Variants in MUC5B observed in about 807,000 individuals in gnomAD.
MUC5B encodes the protein mucin-5B.
MUC5B carries 116 observed loss-of-function variants against 376.9 expected under a neutral mutation model. That is an observed-to-expected ratio of 0.31 (90% confidence interval 0.26 to 0.36). The LOEUF is 0.36. Ranked by LOEUF, MUC5B falls within the 10% of genes least tolerant of loss-of-function variation. The pLI is 1.00. For missense variants in MUC5B, 7,165 were observed against 7,769.9 expected, an observed-to-expected ratio of 0.92 and a Z score of 2.93; for synonymous variants, 3,517 against 3,390.9, an observed-to-expected ratio of 1.04 and a Z score of -1.29.
intron 25 of MUC5B, among the ~76,000 whole-genome samples, chr11:1,238,488 A>C (rs1476120190): frequency 6.6e-6 from 1 of 152,150 alleles, no homozygotes; most frequent in African/African-American, 2.4e-5. Context: ...GAGGGTAAGC[A>C]GGGGTGCTAT....
intron 35 of MUC5B, 25 bp downstream of exon 35, chr11:1,254,905 C>T (rs55990509): frequency 3.3e-5 from 53 of 1,599,750 alleles, no homozygotes; most frequent in Non-Finnish European, 4.2e-5. Flanking sequence ...GGTCCTGCCC[C>T]GGCCAGGGCT....
rs1409114163 is a variant in MUC5B at position 1,247,326 on chromosome 11, C to T, written c.10446C>T (p.Thr3482=). 3.7e-6 allele frequency: 6 copies of T among 1,611,364 alleles called. No individual in the cohort carries two copies. Among genetic ancestry groups the T allele is most frequent in the South Asian group, 1.1e-5 (1 of 90,956 alleles). Residue 3482 remains threonine (T), a synonymous_variant, in exon 31 of 49, where the codon ACC becomes ACT. Coordinates refer to ENST00000529681, the MANE Select transcript of MUC5B (RefSeq NM_002458.3). ...TSATSGILGT[T]HITEPSTVTS... ...CCACCTCGGGCATCTTGGGCACCAC[C>T]CACATCACAGAGCCTTCCACGGTGA...
intron 7 of MUC5B, among the ~76,000 whole-genome samples, chr11:1,228,046 G>A (rs973499832): frequency 2.0e-5 from 3 of 152,196 alleles, no homozygotes; most frequent in South Asian, 2.1e-4. Context: ...GTGGGCACTC[G>A]GGAAGCCCGG....
rs1418720763 is a variant in MUC5B at position 1,257,386 on chromosome 11, C to T, written c.16269+115C>T. 45 of 986,294 alleles carry T rather than the reference C, an allele frequency of 4.6e-5. No individual in the cohort carries two copies. Among genetic ancestry groups the T allele is most frequent in the South Asian group, 2.7e-4 (20 of 75,016 alleles). 61.1% of individuals were successfully genotyped at this position (986,294 alleles called of 1,614,324 possible). ...GTGGGGCGCCCGAGTGTGACGTGGACGTGCCAGTGGCTGGTGTGCGCTTCC... is the reference window on the plus strand; with the variant it reads ...GTGGGGCGCCCGAGTGTGACGTGGATGTGCCAGTGGCTGGTGTGCGCTTCC... On this transcript the variant is annotated intron_variant, in intron 40 of 48. Coordinates refer to ENST00000529681, the MANE Select transcript of MUC5B (RefSeq NM_002458.3). This position sits in a 1 kb window ranked among gnomAD's most constrained non-coding sequence, Gnocchi z 8.9.
In MUC5B at chr11:1,253,097, G is replaced by A; in HGVS notation, c.15217+117G>A. ...ACAGTGGGGTGCAGTGGGGAATGGT[G>A]GGGCATGGTGGGGCATGGTGGGGTG... On this transcript the variant is annotated intron_variant, in intron 33 of 48. Coordinates refer to ENST00000529681, the MANE Select transcript of MUC5B (RefSeq NM_002458.3). The surrounding 1 kb of genome is among the most constrained non-coding windows in gnomAD (Gnocchi z 4.3). 1.0e-6 allele frequency: 1 copy of A among 987,536 alleles called. No individual in the cohort carries two copies. The highest frequency in any genetic ancestry group is 1.5e-6 in the Non-Finnish European group (1 of 675,900). 61.2% of individuals were successfully genotyped at this position (987,536 alleles called of 1,614,324 possible).
rs557174215 is a variant in MUC5B at position 1,251,392 on chromosome 11, C to G, written c.14512C>G (p.Leu4838Val). The G allele has an allele frequency of 1.0e-5, 16 of 1,589,948 alleles. No individual in the cohort carries two copies. Among genetic ancestry groups the G allele is most frequent in the Non-Finnish European group, 1.4e-5 (16 of 1,161,966 alleles). The change falls in exon 31 of 49, where the codon CTG (leucine) becomes GTG (valine). Residue 4838 changes from leucine (L) to valine (V), a missense_variant. Leu to Val is a conservative substitution (Grantham distance 32). Coordinates refer to ENST00000529681, the MANE Select transcript of MUC5B (RefSeq NM_002458.3). The part of the protein sequence containing the change: ...TTAATGSTAT[L>V]SSTPGTTWIL... Reference sequence around the variant, plus strand: ...TGCAGCCACTGGATCCACGGCCACCCTGTCCTCCACCCCAGGGACCACCTG... The same window carrying G: ...TGCAGCCACTGGATCCACGGCCACCGTGTCCTCCACCCCAGGGACCACCTG...
At position 1,250,133 on chromosome 11, in the gene MUC5B, C is replaced by T. The variant is rs199894226; in HGVS notation, c.13253C>T (p.Thr4418Ile). 297 of 1,610,664 alleles carry T rather than the reference C, an allele frequency of 1.8e-4. No homozygotes were observed. The highest frequency in any genetic ancestry group is 2.4e-4 in the Non-Finnish European group (278 of 1,178,168). ...ACCCCGTCCTCCACCCCAGGGACCA[C>T]CTGGATCCTCACAGAGCTGACCACA... ...TATPSSTPGT[T>I]WILTELTTTA... The change falls in exon 31 of 49, where the codon ACC (threonine) becomes ATC (isoleucine). Residue 4418 changes from threonine (T) to isoleucine (I), a missense_variant. Thr to Ile is a moderately conservative substitution (Grantham distance 89, BLOSUM62 -1). Coordinates refer to ENST00000529681, the MANE Select transcript of MUC5B (RefSeq NM_002458.3).
chr11:1,233,729 G>C (rs1862088686), intron 18 of MUC5B, 64 bp from the exon 19 acceptor site: 11 of 1,519,784 alleles, frequency 7.2e-6, no homozygotes, highest in Non-Finnish European at 8.9e-6. Flanking sequence ...GGGCTCGGAA[G>C]CCCGGGGGTG....
intron 35 of MUC5B, 23 bp downstream of exon 35, chr11:1,254,903 C>T: frequency 3.7e-6 from 6 of 1,604,906 alleles, no homozygotes; most frequent in Non-Finnish European, 5.1e-6. Context: ...CGGGTCCTGC[C>T]CCGGCCAGGG....
chr11:1,227,614 G>C, intron 6 of MUC5B, 61 bp from the exon 7 acceptor site: 2 of 698,520 alleles, frequency 2.9e-6, no homozygotes, highest in Non-Finnish European at 5.4e-6. Context: ...GGAAGTGGGA[G>C]CCCATATCTT....
chr11:1,238,823 C>T (rs556852598), intron 25 of MUC5B, 48 bp from the exon 26 acceptor site: 41 of 1,530,530 alleles, frequency 2.7e-5, no homozygotes, highest in South Asian at 2.4e-4. Context: ...ACCCCCTGGC[C>T]GGGGGGGCCA....
At position 1,249,342 on chromosome 11, in the gene MUC5B, C is replaced by T. The variant is rs779469762; in HGVS notation, c.12462C>T (p.Thr4154=). 6.2e-6 allele frequency: 10 copies of T among 1,610,642 alleles called. No homozygotes were observed. The highest frequency in any genetic ancestry group is 5.3e-5 in the African/African-American group (4 of 74,806). The change falls in exon 31 of 49, where the codon ACC becomes ACT. Residue 4154 remains threonine (T), a synonymous_variant. Transcript: ENST00000529681. ...MPGPSGGDFD[T]YSNIRAAGGA... is the part of the protein sequence containing the mutation. ...GGCCCTCTGGCGGGGACTTTGACACCTACTCCAACATCCGTGCGGCCGGAG... is the reference window on the plus strand; with the variant it reads ...GGCCCTCTGGCGGGGACTTTGACACTTACTCCAACATCCGTGCGGCCGGAG...
chr11:1,227,264 G>T, intron 5 of MUC5B, 44 bp from the exon 6 acceptor site: 2 of 1,573,540 alleles, frequency 1.3e-6, no homozygotes, highest in Non-Finnish European at 1.7e-6. Context: ...GCCAGTGTGG[G>T]GATCAGAGGT....
At chr11:1,233,910 C>T in intron 19 of MUC5B, 62 bp downstream of exon 19, 2 of 1,478,278 alleles carry the variant, frequency 1.4e-6, no homozygotes, top group Non-Finnish European at 9.2e-7. Context: ...CCTGGCCTGG[C>T]CCCAACACGC....
intron 23 of MUC5B, 92 bp from the exon 24 acceptor site, chr11:1,236,294 C>A (rs1862154877): frequency 7.5e-7 from 1 of 1,324,816 alleles, no homozygotes; most frequent in Non-Finnish European, 1.0e-6. Context: ...CCCGTGCGCA[C>A]CTGCAGAGCA....
chr11:1,230,438 C>A (rs1861998774), intron 11 of MUC5B, 52 bp from the exon 12 acceptor site: 9 of 1,479,236 alleles, frequency 6.1e-6, no homozygotes, highest in Non-Finnish European at 8.3e-6. Flanking sequence ...TTCTGGGGGG[C>A]ACCCCACATC....
chr11:1,262,062 G>C lies in MUC5B; in HGVS notation c.*454G>C. The C allele has an allele frequency of 1.9e-6, 1 of 530,108 alleles. No homozygotes were observed. The highest frequency in any genetic ancestry group is 1.4e-5 in the South Asian group (1 of 71,464). 32.8% of individuals were successfully genotyped at this position (530,108 alleles called of 1,614,324 possible). A position where few individuals can be genotyped will look rare whatever the true frequency, so the allele number is the denominator to read the frequency against. ...CGGCCGCCTGTCCATGCCTGCTGCA[G>C]GGTAACTCAGGGCTGAGGTCGCAAC... On this transcript the variant is annotated 3_prime_UTR_variant, in exon 49 of 49. Coordinates refer to ENST00000529681, the MANE Select transcript of MUC5B (RefSeq NM_002458.3).
Position 1,256,712 on chromosome 11 carries a change from T to C in MUC5B, c.16178T>C (p.Phe5393Ser). ...CTGGAGGGGATGGCGGAGGGCTGCT[T>C]CTGCCCTGAGGACCAGATCCTCTTC... Reference protein sequence around the residue: ...PQLEGMAEGCFCPEDQILFNA... With the variant: ...PQLEGMAEGCSCPEDQILFNA... The change falls in exon 39 of 49, where the codon TTC (phenylalanine) becomes TCC (serine). Residue 5393 changes from phenylalanine (F) to serine (S), a missense_variant. Phe to Ser is a radical substitution (Grantham distance 155). Coordinates refer to ENST00000529681, the MANE Select transcript of MUC5B (RefSeq NM_002458.3). 1 of 1,566,724 alleles carries C rather than the reference T, an allele frequency of 6.4e-7. No homozygotes were observed.
intron 1 of MUC5B, 192 bp downstream of exon 1, chr11:1,223,385 A>T (rs1475060995): frequency 2.9e-6 from 2 of 682,714 alleles, no homozygotes; most frequent in Admixed American, 2.0e-5. Flanking sequence ...GTGTCAGGAA[A>T]CTCAGGGGCT....
Sources: gnomAD v4.1 joint callset for allele counts (sites outside exome capture counted in the v4.1 genomes callset) on GRCh38, gnomAD v4.1.1 for gene constraint, Gnocchi (gnomAD v3.1) non-coding constraint, MANE v1.5 for transcripts, NCBI Gene and HGNC (gene_info 2026-07-23, HGNC 2026-07-21) for gene names.